PITPNC1: variants seen among roughly 807,000 people sequenced by gnomAD.
PITPNC1 encodes the protein cytoplasmic phosphatidylinositol transfer protein 1.
PITPNC1 carries 18 observed loss-of-function variants against 44.7 expected under a neutral mutation model. That is an observed-to-expected ratio of 0.40 (90% CI 0.28 to 0.60). The LOEUF (loss-of-function observed/expected upper bound fraction) is 0.60. Among genes scored for constraint, PITPNC1 ranks in the 20% least tolerant of loss-of-function variants. The probability of loss-of-function intolerance (pLI) is 0.39; values close to 1 mark genes in which losing one functional copy is unlikely to be tolerated. For missense variants in PITPNC1, 290 were observed against 418.4 expected, an observed-to-expected ratio of 0.69 and a Z score of 2.68; for synonymous variants, 141 against 149.6, an observed-to-expected ratio of 0.94 and a Z score of 0.42.
intron 1 of PITPNC1, among the ~76,000 whole-genome samples, chr17:67,469,628 G>A (rs912217831): frequency 3.3e-5 from 5 of 152,122 alleles, no homozygotes; most frequent in Non-Finnish European, 5.9e-5. Flanking sequence ...CGGGTCATCA[G>A]GGCCCTGCTG....
At chr17:67,465,126 G>A (rs1051436219) in intron 1 of PITPNC1, among the ~76,000 whole-genome samples, 2 of 152,212 alleles carry the variant, frequency 1.3e-5, no homozygotes, top group Non-Finnish European at 2.9e-5. Context: ...GGTGTGTGTT[G>A]CATTCTGTGT....
At chr17:67,568,169 G>A (rs2041006381) in intron 4 of PITPNC1, among the ~76,000 whole-genome samples, 2 of 152,108 alleles carry the variant, frequency 1.3e-5, no homozygotes, top group Admixed American at 1.3e-4. Context: ...CATTCGGCCA[G>A]AAAAAGGAAT....
Position 67,534,439 on chromosome 17 carries a change from A to G in PITPNC1, c.197+1489A>G, listed in dbSNP as rs192769418. Among the ~76,000 whole-genome samples the G allele has an allele frequency of 9.3e-4, 142 of 152,086 alleles. 1 individual carries two copies. Among genetic ancestry groups the G allele is most frequent in the African/African-American group, 3.3e-3 (137 of 41,510 alleles). ...GATCACTTTAGGTCAGGAGTTCAAA[A>G]CCAGCCTGGGTAACATGGCGAAACC... On this transcript the variant is annotated intron_variant, in intron 2 of 8. Transcript: ENST00000581322.
At chr17:67,411,684 A>C (rs1005385381) in intron 1 of PITPNC1, among the ~76,000 whole-genome samples, 8 of 152,084 alleles carry the variant, frequency 5.3e-5, no homozygotes, top group Non-Finnish European at 1.2e-4. Context: ...TAACGTTATG[A>C]TTGGTTATCA....
intron 1 of PITPNC1, among the ~76,000 whole-genome samples, chr17:67,426,886 T>C (rs1273019895): frequency 2.0e-5 from 3 of 152,202 alleles, no homozygotes; most frequent in Non-Finnish European, 4.4e-5. Flanking sequence ...GGTAAGAGTA[T>C]CCATGTTTGA....
At chr17:67,486,321 G>A (rs75248052) in intron 1 of PITPNC1, among the ~76,000 whole-genome samples, 4 of 152,046 alleles carry the variant, frequency 2.6e-5, no homozygotes, top group East Asian at 1.9e-4. Context: ...TTGAAGTCTC[G>A]CTGTGGGCAA....
chr17:67,446,106 C>T (rs936704978), intron 1 of PITPNC1, among the ~76,000 whole-genome samples: 23 of 152,074 alleles, frequency 1.5e-4, no homozygotes, highest in African/African-American at 5.1e-4. Flanking sequence ...GCCACCATGC[C>T]CAGCTAATTT....
chr17:67,636,027 G>A (rs1030021722), intron 6 of PITPNC1, among the ~76,000 whole-genome samples: 4 of 152,074 alleles, frequency 2.6e-5, no homozygotes, highest in Non-Finnish European at 2.9e-5. Flanking sequence ...AGCTGGGCGC[G>A]GTGGCTCACG....
intron 5 of PITPNC1, among the ~76,000 whole-genome samples, chr17:67,601,998 A>G (rs991332040): frequency 5.3e-5 from 8 of 152,168 alleles, no homozygotes. Context: ...AATAAAGGTC[A>G]AAGATAACCT....
chr17:67,462,929 C>T (rs1032977692), intron 1 of PITPNC1, among the ~76,000 whole-genome samples: 16 of 151,550 alleles, frequency 1.1e-4, no homozygotes, highest in Non-Finnish European at 2.1e-4. Flanking sequence ...CTCGAACTCC[C>T]GACGTCAGTT....
chr17:67,569,049 A>G (rs980493407), intron 4 of PITPNC1, among the ~76,000 whole-genome samples: 3 of 151,882 alleles, frequency 2.0e-5, no homozygotes, highest in African/African-American at 7.3e-5. Flanking sequence ...ACCCATCCCC[A>G]GGGCCCCCAT....
chr17:67,608,074 G>T (rs1012800999), intron 5 of PITPNC1, among the ~76,000 whole-genome samples: 5 of 151,994 alleles, frequency 3.3e-5, no homozygotes, highest in African/African-American at 1.2e-4. Context: ...AAGAACAAGG[G>T]CTTTCCCTTA....
chr17:67,383,763 G>T (rs2037999601), intron 1 of PITPNC1, among the ~76,000 whole-genome samples: 1 of 152,210 alleles, frequency 6.6e-6, no homozygotes. Flanking sequence ...TTCTGGCCAG[G>T]CGCGGTGGCT....
intron 6 of PITPNC1, among the ~76,000 whole-genome samples, chr17:67,662,153 C>T (rs1237378385): frequency 6.6e-6 from 1 of 152,066 alleles, no homozygotes; most frequent in African/African-American, 2.4e-5. Context: ...AAAGCTCACC[C>T]ATTGAAAGCG....
intron 2 of PITPNC1, among the ~76,000 whole-genome samples, chr17:67,542,258 C>T (rs191455462): frequency 6.6e-6 from 1 of 152,156 alleles, no homozygotes; most frequent in East Asian, 1.9e-4. Context: ...AGTATGGATG[C>T]ATATTTTGGA....
intron 5 of PITPNC1, 113 bp from the exon 6 acceptor site, chr17:67,632,030 C>G: frequency 1.5e-6 from 1 of 652,048 alleles, no homozygotes; most frequent in Non-Finnish European, 2.8e-6. Flanking sequence ...AAGCACTAGC[C>G]GGGGGCCCTG....
At chr17:67,648,608 G>A (rs2144362723) in intron 6 of PITPNC1, among the ~76,000 whole-genome samples, 1 of 152,294 alleles carries the variant, frequency 6.6e-6, no homozygotes, top group East Asian at 1.9e-4. Context: ...TCTGGAACTG[G>A]GAACCAGGCC....
At chr17:67,555,554 C>T (rs2040824900) in intron 4 of PITPNC1, among the ~76,000 whole-genome samples, 1 of 151,790 alleles carries the variant, frequency 6.6e-6, no homozygotes, top group African/African-American at 2.4e-5. Flanking sequence ...GGGCCGGGTG[C>T]AGTGGCTCAC....
chr17:67,461,586 T>C (rs1273268534), intron 1 of PITPNC1, among the ~76,000 whole-genome samples: 3 of 152,208 alleles, frequency 2.0e-5, no homozygotes, highest in African/African-American at 7.2e-5. Flanking sequence ...ATCAGTGTCA[T>C]TGAGCCTCAG....
Sources: gnomAD v4.1 joint callset for allele counts (sites outside exome capture counted in the v4.1 genomes callset) on GRCh38, gnomAD v4.1.1 for gene constraint, MANE v1.5 for transcripts, NCBI Gene and HGNC (gene_info 2026-07-23, HGNC 2026-07-21) for gene names.